The following PIEZO2 variants were observed in gnomAD, a reference collection of about 807,000 sequenced individuals.
PIEZO2 encodes the protein piezo type mechanosensitive ion channel component 2, also known as piezo-type mechanosensitive ion channel component 2.
A neutral mutation model predicts 337.3 loss-of-function variants in PIEZO2; 172 were observed. The ratio of observed to expected loss-of-function variants is 0.51; its 90% CI spans 0.45 to 0.58. PIEZO2 has a LOEUF of 0.58. Ranked by LOEUF, PIEZO2 falls within the 20% of genes least tolerant of loss-of-function variation. PIEZO2 has a pLI of 0.00. For missense variants in PIEZO2, 3,028 were observed against 3,391.3 expected (o/e 0.89, Z 2.66); for synonymous variants, 1,251 against 1,228.5 (o/e 1.02, Z -0.38).
rs1378777169 is a variant in PIEZO2, at chr18:10,833,130, T to C, written c.917+22223A>G. ...GCCCCAGAAGAGCAAGTGTGGCTTT[T>C]CCTGGCAGAGAGGCAGCAACACCCA... is the stretch of plus-strand genomic sequence containing the variant. On this transcript the variant is annotated intron_variant, in intron 7 of 55. Coordinates refer to ENST00000674853, the MANE Select transcript of PIEZO2 (RefSeq NM_001378183.1). This position sits in a 1 kb window ranked among gnomAD's most constrained non-coding sequence, Gnocchi z 4.7. Among the ~76,000 whole-genome samples, 1 of 151,980 alleles carries C rather than the reference T, an allele frequency of 6.6e-6. No homozygotes were observed. The highest frequency in any genetic ancestry group is 1.5e-5 in the Non-Finnish European group (1 of 67,980).
intron 1 of PIEZO2, among the ~76,000 whole-genome samples, chr18:11,136,013 T>A (rs1336296793): frequency 1.3e-5 from 2 of 152,252 alleles, no homozygotes; most frequent in African/African-American, 4.8e-5. Flanking sequence ...GAAGGATACA[T>A]CCTTACTCTA....
rs1445770225 is a variant in PIEZO2 at position 10,861,716 on chromosome 18, A to C, written c.493-4505T>G. Among the ~76,000 whole-genome samples the C allele has an allele frequency of 6.6e-6, 1 of 152,206 alleles. No homozygotes were observed. Among genetic ancestry groups the C allele is most frequent in the Non-Finnish European group, 1.5e-5 (1 of 68,040 alleles). ...CACTGCATGGTGACTGTAGTTTTTA[A>C]TGTATATTTCAAAATAGTTGGCCGG... On this transcript the variant is annotated intron_variant, in intron 5 of 55. Coordinates refer to ENST00000674853, the MANE Select transcript of PIEZO2 (RefSeq NM_001378183.1). This position sits in a 1 kb window ranked among gnomAD's most constrained non-coding sequence, Gnocchi z 4.3.
In PIEZO2 at chr18:11,128,945, T is replaced by G. The variant is rs536431301; in HGVS notation, c.64+19580A>C. On this transcript the variant is annotated intron_variant, in intron 1 of 55. Coordinates refer to ENST00000674853, the MANE Select transcript of PIEZO2 (RefSeq NM_001378183.1). This position sits in a 1 kb window ranked among gnomAD's most constrained non-coding sequence, Gnocchi z 4.1. ...AATTTATTGATTTGGGTCCACTAAG[T>G]AAGGACTCAGTGTTTAATGTTGCAG... 6.6e-6 allele frequency among the ~76,000 whole-genome samples: 1 copy of G among 152,142 alleles called. No individual in the cohort carries two copies. Among genetic ancestry groups the G allele is most frequent in the Non-Finnish European group, 1.5e-5 (1 of 68,020 alleles).
chr18:11,080,925 C>T lies in PIEZO2; in HGVS notation c.65-14703G>A, dbSNP rs1024825212. ...TATCACACCTGACCAATGGAGTCAA[C>T]GTCCAATAGCTTCACCAAATTGGTT... On this transcript the variant is annotated intron_variant, in intron 1 of 55. Transcript: ENST00000674853. The surrounding 1 kb of genome is among the most constrained non-coding windows in gnomAD (Gnocchi z 5.4). Among the ~76,000 whole-genome samples, 12 of 152,172 alleles carry T rather than the reference C, an allele frequency of 7.9e-5. No individual in the cohort carries two copies. The highest frequency in any genetic ancestry group is 2.7e-4 in the African/African-American group (11 of 41,442).
At chr18:10,731,544 T>G in intron 35 of PIEZO2, 23 bp from the exon 36 acceptor site, 1 of 1,430,442 alleles carries the variant, frequency 7.0e-7, no homozygotes, top group African/African-American at 1.5e-5. Context: ...AGTTCAATTA[T>G]TTTCTGGCCT....
At position 10,672,978 on chromosome 18, in the gene PIEZO2, G is replaced by T. The variant is rs55954613; in HGVS notation, c.8162-105C>A. On this transcript the variant is annotated intron_variant, in intron 54 of 55. Transcript: ENST00000674853. This position sits in a 1 kb window ranked among gnomAD's most constrained non-coding sequence, Gnocchi z 4.7. ...AATCTGGTTACTAACTATAGCATAA[G>T]GTTCTAGGATGAAAAGGATGCATGG... 5.2e-5 allele frequency: 48 copies of T among 917,972 alleles called. 1 individual carries two copies. The African/African-American group carries it at 6.7e-4, about 13-fold the overall frequency. The allele number at this position is 917,972 out of a possible 1,614,324, so 56.9% of individuals were successfully genotyped here. A position where few individuals can be genotyped will look rare whatever the true frequency, so the allele number is the denominator to read the frequency against.
chr18:10,818,818 C>G (rs2040439003), intron 7 of PIEZO2, among the ~76,000 whole-genome samples: 1 of 152,192 alleles, frequency 6.6e-6, no homozygotes, highest in Non-Finnish European at 1.5e-5. Context: ...CTTTCCTCAA[C>G]TATTCTCCTG....
chr18:10,835,929 A>G (rs945266570), intron 7 of PIEZO2, among the ~76,000 whole-genome samples: 1 of 152,236 alleles, frequency 6.6e-6, no homozygotes, highest in Non-Finnish European at 1.5e-5. Flanking sequence ...ATCGGATGAA[A>G]GTTTTTATAG....
rs2032078357 is a variant in PIEZO2, at chr18:10,931,443, C to T, written c.287-20215G>A. On this transcript the variant is annotated intron_variant, in intron 3 of 55. Transcript: ENST00000674853. ...CTCGATCTCCTGACCTCGTGATCCGCCTGCCTTGGCCTCCCAAAGTGCTGG... is the reference window on the plus strand; with the variant it reads ...CTCGATCTCCTGACCTCGTGATCCGTCTGCCTTGGCCTCCCAAAGTGCTGG... Among the ~76,000 whole-genome samples the T allele has an allele frequency of 2.6e-5, 4 of 152,186 alleles. No individual in the cohort carries two copies. The South Asian group carries it at 8.3e-4, about 31-fold the overall frequency.
chr18:11,018,054 G>C (rs1268945889), intron 2 of PIEZO2, among the ~76,000 whole-genome samples: 1 of 152,150 alleles, frequency 6.6e-6, no homozygotes, highest in Non-Finnish European at 1.5e-5. Context: ...CAATTAAGGT[G>C]TCAGCAGGGC....
In PIEZO2 at chr18:10,794,306, A is replaced by C. The variant is rs915680384; in HGVS notation, c.1758+466T>G. ...GTAGAAGAAAAACAGCAAGTGTCAT[A>C]CTTCATTTTTGCTGCTAAAAATGTT... On this transcript the variant is annotated intron_variant, in intron 13 of 55. Transcript: ENST00000674853. The surrounding 1 kb of genome is among the most constrained non-coding windows in gnomAD (Gnocchi z 6.6). Among the ~76,000 whole-genome samples, 1 of 152,218 alleles carries C rather than the reference A, an allele frequency of 6.6e-6. No individual in the cohort carries two copies.
At chr18:10,860,763 T>G (rs373920038) in intron 5 of PIEZO2, among the ~76,000 whole-genome samples, 10 of 152,358 alleles carry the variant, frequency 6.6e-5, no homozygotes, top group African/African-American at 2.4e-4. Flanking sequence ...ATAGAATTGC[T>G]ACGGATGTAG....
chr18:11,125,943 G>A lies in PIEZO2; in HGVS notation c.64+22582C>T, dbSNP rs1367482767. ...AGTGCCCAACGGTAGAGGAAGAATG[G>A]TGCCTACCATAAGATGGACAGACAA... is the stretch of plus-strand genomic sequence containing the variant. On this transcript the variant is annotated intron_variant, in intron 1 of 55. Coordinates refer to ENST00000674853, the MANE Select transcript of PIEZO2 (RefSeq NM_001378183.1). The surrounding 1 kb of genome is among the most constrained non-coding windows in gnomAD (Gnocchi z 4.4). 6.6e-6 allele frequency among the ~76,000 whole-genome samples: 1 copy of A among 152,232 alleles called. No individual in the cohort carries two copies. Among genetic ancestry groups the A allele is most frequent in the Non-Finnish European group, 1.5e-5 (1 of 68,042 alleles).
chr18:10,744,100 A>G (rs1391315522), intron 31 of PIEZO2, 42 bp downstream of exon 31: 4 of 1,389,674 alleles, frequency 2.9e-6, no homozygotes. Flanking sequence ...TGGTCACACA[A>G]TCAGAAGACG....
rs2042114807 is a variant in PIEZO2 at position 10,870,561 on chromosome 18, A to AATTACTCTTTAAACT, written c.492+691_492+692insAGTTTAAAGAGTAAT. On this transcript the variant is annotated intron_variant, in intron 5 of 55. Coordinates refer to ENST00000674853, the MANE Select transcript of PIEZO2 (RefSeq NM_001378183.1). This position sits in a 1 kb window ranked among gnomAD's most constrained non-coding sequence, Gnocchi z 5.3. ...CAAAGTACAGTTATTAGAACATAAC[A>AATTACTCTTTAAACT]GTGTCCTGAGGCTGGTCAGGGGGCA... 6.6e-6 allele frequency among the ~76,000 whole-genome samples: 1 copy of AATTACTCTTTAAACT among 151,306 alleles called. No individual in the cohort carries two copies. The highest frequency in any genetic ancestry group is 1.5e-5 in the Non-Finnish European group (1 of 67,400).
At chr18:11,030,648 G>T (rs2036698939) in intron 2 of PIEZO2, among the ~76,000 whole-genome samples, 1 of 152,100 alleles carries the variant, frequency 6.6e-6, no homozygotes. Context: ...TAGAAACGCT[G>T]GTCCCTCGAG....
chr18:11,055,997 T>C (rs1282881692), intron 2 of PIEZO2, among the ~76,000 whole-genome samples: 1 of 152,126 alleles, frequency 6.6e-6, no homozygotes, highest in Non-Finnish European at 1.5e-5. Context: ...GAGGCTGAGA[T>C]GGATTCCTGG....
chr18:11,004,792 C>A (rs2035663337), intron 2 of PIEZO2, among the ~76,000 whole-genome samples: 1 of 152,176 alleles, frequency 6.6e-6, no homozygotes, highest in Non-Finnish European at 1.5e-5. Context: ...TCATGACATT[C>A]AACAAAATGC....
chr18:11,147,296 C>A (rs138720181), intron 1 of PIEZO2, among the ~76,000 whole-genome samples: 2 of 152,138 alleles, frequency 1.3e-5, no homozygotes, highest in Non-Finnish European at 2.9e-5. Context: ...CCCGGGACCC[C>A]GCCTGGCCAC....
Sources: gnomAD v4.1 joint callset for allele counts (sites outside exome capture counted in the v4.1 genomes callset) on GRCh38, gnomAD v4.1.1 for gene constraint, Gnocchi (gnomAD v3.1) non-coding constraint, MANE v1.5 for transcripts, NCBI Gene and HGNC (gene_info 2026-07-23, HGNC 2026-07-21) for gene names.